Variants in KCNAB1 observed in about 807,000 individuals in gnomAD.
KCNAB1 encodes the protein voltage-gated potassium channel subunit beta-1.
KCNAB1 carries 35 observed loss-of-function variants against 64.6 expected under a neutral mutation model. The observed-to-expected ratio is 0.54, with a 90% CI of 0.41 to 0.72. KCNAB1 has a LOEUF of 0.72. Among genes scored for constraint, KCNAB1 ranks in the 30% least tolerant of loss-of-function variants. KCNAB1 has a pLI of 0.00. For synonymous variants in KCNAB1, 177 were observed against 183.8 expected (o/e 0.96, Z 0.30); for missense variants, 401 against 512.9 (o/e 0.78, Z 2.11).
chr3:156,120,522 C>T, upstream of KCNAB1: 1 of 1,432,662 alleles, frequency 7.0e-7, no homozygotes, highest in Non-Finnish European at 9.6e-7. Context: ...GTGGAGTGGG[C>T]AGGGACGAGG....
At chr3:156,530,009 G>T (rs1305161565) in intron 12 of KCNAB1, among the ~76,000 whole-genome samples, 1 of 152,178 alleles carries the variant, frequency 6.6e-6, no homozygotes, top group Non-Finnish European at 1.5e-5. Context: ...ACAGCAAGAA[G>T]GTGACTGGGA....
chr3:156,357,202 C>G (rs753025368), intron 1 of KCNAB1, among the ~76,000 whole-genome samples: 7 of 151,600 alleles, frequency 4.6e-5, no homozygotes, highest in Non-Finnish European at 1.0e-4. Context: ...TTCTGAAACT[C>G]GATTATCTTA....
intron 8 of KCNAB1, among the ~76,000 whole-genome samples, chr3:156,512,648 C>A (rs1717288759): frequency 6.6e-6 from 1 of 152,216 alleles, no homozygotes; most frequent in Non-Finnish European, 1.5e-5. Flanking sequence ...TTGTTTTCAA[C>A]TTCTGGAACT....
At chr3:156,486,945 G>A (rs1445943475) in intron 8 of KCNAB1, among the ~76,000 whole-genome samples, 2 of 152,112 alleles carry the variant, frequency 1.3e-5, no homozygotes, top group African/African-American at 4.8e-5. Context: ...TTTTCATCAA[G>A]GCCAAAGGAT....
intron 1 of KCNAB1, among the ~76,000 whole-genome samples, chr3:156,245,225 G>A (rs541441968): frequency 8.2e-4 from 125 of 152,190 alleles, no homozygotes; most frequent in African/African-American, 2.9e-3. Flanking sequence ...CTAGCGATCT[G>A]CTTGATTGCT....
At chr3:156,528,239 G>T (rs1043151871) in intron 12 of KCNAB1, among the ~76,000 whole-genome samples, 2 of 151,506 alleles carry the variant, frequency 1.3e-5, no homozygotes, top group African/African-American at 4.9e-5. Flanking sequence ...TTTGTATTTT[G>T]CCCATGTGGA....
chr3:156,150,281 T>C (rs1330560620), intron 1 of KCNAB1, among the ~76,000 whole-genome samples: 1 of 152,230 alleles, frequency 6.6e-6, no homozygotes, highest in African/African-American at 2.4e-5. Context: ...AAAATAAGTA[T>C]GTTTTCAAAG....
At chr3:156,459,061 G>A (rs921907127) in intron 4 of KCNAB1, among the ~76,000 whole-genome samples, 1 of 152,196 alleles carries the variant, frequency 6.6e-6, no homozygotes, top group African/African-American at 2.4e-5. Flanking sequence ...CCCATCCATA[G>A]CATCCTAATG....
chr3:156,443,620 T>C (rs1218791623), intron 2 of KCNAB1, among the ~76,000 whole-genome samples: 3 of 152,118 alleles, frequency 2.0e-5, no homozygotes, highest in South Asian at 2.1e-4. Context: ...GAAAGCACAA[T>C]GGATCTACAT....
intron 1 of KCNAB1, among the ~76,000 whole-genome samples, chr3:156,305,625 G>A (rs1189097465): frequency 6.6e-6 from 1 of 152,134 alleles, no homozygotes. Context: ...CATAATGACT[G>A]GAAACTAATA....
intron 1 of KCNAB1, among the ~76,000 whole-genome samples, chr3:156,339,534 A>G (rs6771705): frequency 0.11 from 16,916 of 152,148 alleles, 3,000 homozygotes; most frequent in African/African-American, 0.38. Flanking sequence ...CAAACTTCAG[A>G]TCTGTGGCTC....
At chr3:156,221,498 G>A (rs187007253) in intron 1 of KCNAB1, among the ~76,000 whole-genome samples, 77 of 152,202 alleles carry the variant, frequency 5.1e-4, no homozygotes, top group African/African-American at 1.6e-3. Flanking sequence ...TTTTGTGGCC[G>A]GGCATGGTGG....
At chr3:156,327,207 G>T (rs1723022793) in intron 1 of KCNAB1, among the ~76,000 whole-genome samples, 1 of 152,176 alleles carries the variant, frequency 6.6e-6, no homozygotes, top group Non-Finnish European at 1.5e-5. Context: ...GTTAATATCA[G>T]TCACTTTATT....
At chr3:156,334,553 C>T (rs2108051631) in intron 1 of KCNAB1, among the ~76,000 whole-genome samples, 1 of 152,308 alleles carries the variant, frequency 6.6e-6, no homozygotes, top group East Asian at 1.9e-4. Context: ...TTAAGGACAA[C>T]AGTTCCAACA....
intron 1 of KCNAB1, among the ~76,000 whole-genome samples, chr3:156,325,990 A>T (rs1223545514): frequency 1.3e-5 from 2 of 152,160 alleles, no homozygotes; most frequent in East Asian, 3.8e-4. Flanking sequence ...CAGGACTCCA[A>T]AGAAAATAAT....
At chr3:156,501,521 T>C (rs550938956) in intron 8 of KCNAB1, among the ~76,000 whole-genome samples, 1 of 145,920 alleles carries the variant, frequency 6.9e-6, no homozygotes, top group East Asian at 2.1e-4. Context: ...AACCTCTGCC[T>C]GCGAGGTTCA....
At chr3:156,229,977 T>C (rs1326408238) in intron 1 of KCNAB1, among the ~76,000 whole-genome samples, 1 of 152,192 alleles carries the variant, frequency 6.6e-6, no homozygotes, top group Non-Finnish European at 1.5e-5. Context: ...ACTTATTGAT[T>C]GTTTCATTAT....
chr3:156,150,471 G>T (rs143957846), intron 1 of KCNAB1, among the ~76,000 whole-genome samples: 18 of 152,204 alleles, frequency 1.2e-4, no homozygotes, highest in African/African-American at 4.1e-4. Flanking sequence ...GAAATTCAGG[G>T]CTTGAGAACA....
chr3:156,479,101 T>A (rs1019633651), intron 8 of KCNAB1, among the ~76,000 whole-genome samples: 3 of 152,156 alleles, frequency 2.0e-5, no homozygotes, highest in African/African-American at 7.2e-5. Context: ...TTTCACAGCA[T>A]CTGCCATGCC....
Sources: gnomAD v4.1 joint callset for allele counts (sites outside exome capture counted in the v4.1 genomes callset) on GRCh38, gnomAD v4.1.1 for gene constraint, MANE v1.5 for transcripts, NCBI Gene and HGNC (gene_info 2026-07-23, HGNC 2026-07-21) for gene names.